Variants in EFR3A observed in about 807,000 individuals in gnomAD.
EFR3A encodes the protein EFR3 homolog A.
EFR3A carries 76 observed loss-of-function variants against 104.4 expected under a neutral mutation model. The observed-to-expected ratio is 0.73, with a 90% CI of 0.60 to 0.88. The LOEUF is 0.88. EFR3A is among the 40% of genes least tolerant of loss of function. EFR3A has a pLI of 0.00. For synonymous variants in EFR3A, 330 were observed against 330.0 expected (o/e 1.00, Z 0.00); for missense variants, 985 against 1,012.5 (o/e 0.97, Z 0.37).
intron 8 of EFR3A, among the ~76,000 whole-genome samples, chr8:131,964,199 A>G (rs1462860713): frequency 6.6e-6 from 1 of 151,352 alleles, no homozygotes; most frequent in Non-Finnish European, 1.5e-5. Flanking sequence ...CGTATTCAAC[A>G]TAGTGTTGGA....
intron 1 of EFR3A, among the ~76,000 whole-genome samples, chr8:131,933,022 GT>G (rs1405910251): frequency 1.3e-5 from 2 of 151,900 alleles, no homozygotes; most frequent in Non-Finnish European, 2.9e-5. Context: ...TAGTACCATG[GT>G]TTGCATTAAA....
chr8:131,987,054 G>A (rs1820923084), intron 17 of EFR3A, among the ~76,000 whole-genome samples: 1 of 151,986 alleles, frequency 6.6e-6, no homozygotes, highest in Non-Finnish European at 1.5e-5. Flanking sequence ...ATAATATTTT[G>A]TTTGAACTTT....
intron 22 of EFR3A, among the ~76,000 whole-genome samples, chr8:132,010,407 G>GATATATATATATATATATATATAT (rs66644698): frequency 9.8e-5 from 8 of 81,886 alleles, no homozygotes; most frequent in African/African-American, 2.9e-4. Context: ...TCAAGTATGA[G>GATATATATATATATATATATATAT]ATATATATAT....
At chr8:131,916,719 GT>G (rs1816759347) in intron 1 of EFR3A, among the ~76,000 whole-genome samples, 1 of 152,174 alleles carries the variant, frequency 6.6e-6, no homozygotes, top group Non-Finnish European at 1.5e-5. Context: ...CAGGATGAGA[GT>G]TATGCAAGAC....
rs543675791 is a variant in EFR3A, at chr8:131,970,796, A to C, written c.1159+153A>C. ...TTTTCGAAAACAAGCAAGCATGAGA[A>C]TGGAACAAAGAACACTATGTTGTTC... On this transcript the variant is annotated intron_variant, in intron 10 of 22. Transcript: ENST00000254624. Among the ~76,000 whole-genome samples the C allele has an allele frequency of 1.8e-3, 279 of 152,358 alleles. 2 individuals carry two copies. Among genetic ancestry groups the C allele is most frequent in the African/African-American group, 6.5e-3 (271 of 41,592 alleles).
intron 1 of EFR3A, among the ~76,000 whole-genome samples, chr8:131,933,861 G>C (rs776106889): frequency 1.3e-5 from 2 of 150,702 alleles, no homozygotes; most frequent in African/African-American, 2.4e-5. Context: ...CAAGAGTTTT[G>C]TCTGTGTTAT....
chr8:131,995,845 C>G (rs944423780), intron 18 of EFR3A, among the ~76,000 whole-genome samples: 1 of 152,092 alleles, frequency 6.6e-6, no homozygotes. Flanking sequence ...ATAACAACAG[C>G]TGATGGAGAT....
chr8:131,970,585 TA>T lies in EFR3A; in HGVS notation c.1102del (p.Thr368GlnfsTer19). The part of the protein sequence containing the change: ...GGSVGSVNLN[T>X]SSKDNDEKIV... Reference sequence around the variant, plus strand: ...GATCTGTAGGCAGTGTCAACTTAAATACAAGTTCCAAAGACAATGATGAGAA... The same window carrying T: ...GATCTGTAGGCAGTGTCAACTTAAATCAAGTTCCAAAGACAATGATGAGAA... On this transcript the variant is annotated frameshift_variant, in exon 10 of 23. Transcript: ENST00000254624. LOFTEE classifies it high-confidence loss of function. The T allele has an allele frequency of 6.2e-7, 1 of 1,613,882 alleles. No homozygotes were observed. Among genetic ancestry groups the T allele is most frequent in the South Asian group, 1.1e-5 (1 of 91,068 alleles).
At chr8:131,966,986 T>TAC (rs1407770265) in intron 8 of EFR3A, among the ~76,000 whole-genome samples, 1 of 152,140 alleles carries the variant, frequency 6.6e-6, no homozygotes, top group Non-Finnish European at 1.5e-5. Flanking sequence ...TAGTCGTACT[T>TAC]TATAATTATT....
At position 131,944,601 on chromosome 8, in the gene EFR3A, A is replaced by G. The variant is rs555082517; in HGVS notation, c.88-144A>G. On this transcript the variant is annotated intron_variant, in intron 2 of 22. Coordinates refer to ENST00000254624, the MANE Select transcript of EFR3A (RefSeq NM_015137.6). The stretch of plus-strand genomic sequence containing the variant: ...TGTATCCATCATGGTGAATGTTAGC[A>G]CTAAGGAGGTTATGTGCAGAAGGGT... The G allele has an allele frequency of 7.6e-6, 6 of 786,946 alleles. No individual in the cohort carries two copies. The South Asian group carries it at 8.1e-5, about 11-fold the overall frequency. The allele number at this position is 786,946 out of a possible 1,614,324, so 48.7% of individuals were successfully genotyped here.
chr8:131,998,699 G>A (rs1303178918), intron 19 of EFR3A, among the ~76,000 whole-genome samples: 1 of 151,942 alleles, frequency 6.6e-6, no homozygotes, highest in Non-Finnish European at 1.5e-5. Flanking sequence ...GCCATAAAAT[G>A]TATTATTGAT....
chr8:131,921,859 C>T (rs1053628803), intron 1 of EFR3A, among the ~76,000 whole-genome samples: 3 of 152,134 alleles, frequency 2.0e-5, no homozygotes, highest in Non-Finnish European at 2.9e-5. Context: ...CAGAATGGTA[C>T]ATATCTACTA....
chr8:131,923,508 T>G (rs1817153744), intron 1 of EFR3A, among the ~76,000 whole-genome samples: 3 of 151,724 alleles, frequency 2.0e-5, no homozygotes, highest in Non-Finnish European at 2.9e-5. Context: ...GGGTGTTTTT[T>G]TTTTTTTTTT....
chr8:131,997,875 A>G lies in EFR3A; in HGVS notation c.2157+1378A>G, dbSNP rs183193726. Among the ~76,000 whole-genome samples the G allele has an allele frequency of 6.6e-3, 1,011 of 152,192 alleles. 4 individuals are homozygous for G. Among genetic ancestry groups the G allele is most frequent in the Middle Eastern group, 0.017 (5 of 294 alleles). The stretch of plus-strand genomic sequence containing the variant: ...TAGAGAACACTTGAAACTGTTGGAA[A>G]GAGTCAGTCTATTTTGATAAAATCA... On this transcript the variant is annotated intron_variant, in intron 19 of 22. Coordinates refer to ENST00000254624, the MANE Select transcript of EFR3A (RefSeq NM_015137.6).
intron 18 of EFR3A, 54 bp from the exon 19 acceptor site, chr8:131,996,351 GA>G: frequency 9.0e-7 from 1 of 1,116,546 alleles, no homozygotes. Context: ...GTTTATAAAT[GA>G]AAACCAACAT....
chr8:131,923,910 G>A (rs961945396), intron 1 of EFR3A, among the ~76,000 whole-genome samples: 2 of 152,024 alleles, frequency 1.3e-5, no homozygotes, highest in Non-Finnish European at 2.9e-5. Context: ...ATTGGCATTG[G>A]TAGATTTAGT....
chr8:131,913,222 C>A (rs80286391), intron 1 of EFR3A, among the ~76,000 whole-genome samples: 2 of 149,948 alleles, frequency 1.3e-5, no homozygotes, highest in Middle Eastern at 3.2e-3. Flanking sequence ...GGCAGTTCCT[C>A]CTATGATTAA....
Position 131,904,332 on chromosome 8 carries a change from C to T in EFR3A, c.10+10C>T, listed in dbSNP as rs1325393745. The T allele has an allele frequency of 2.4e-6, 3 of 1,251,164 alleles. No homozygotes were observed. Among genetic ancestry groups the T allele is most frequent in the Non-Finnish European group, 3.0e-6 (3 of 996,760 alleles). 77.5% of individuals were successfully genotyped at this position (1,251,164 alleles called of 1,614,324 possible). On this transcript the variant is annotated intron_variant, in intron 1 of 22. Coordinates refer to ENST00000254624, the MANE Select transcript of EFR3A (RefSeq NM_015137.6). Reference sequence around the variant, plus strand: ...ATCGCCATGCCTACCCGTGAGTGGCCGGCCGAGGGCCGGGGGCGTTGGGAG... The same window carrying T: ...ATCGCCATGCCTACCCGTGAGTGGCTGGCCGAGGGCCGGGGGCGTTGGGAG...
Position 131,959,291 on chromosome 8 carries a change from T to C in EFR3A, c.777-294T>C, listed in dbSNP as rs192625978. Among the ~76,000 whole-genome samples the C allele has an allele frequency of 9.5e-4, 144 of 152,294 alleles. 1 individual carries two copies. Among genetic ancestry groups the C allele is most frequent in the African/African-American group, 3.4e-3 (141 of 41,572 alleles). ...CTTTCATTCAGATTTACTTGTTAGT[T>C]AAAATTACCCTTTGAGAGAAGTAAA... On this transcript the variant is annotated intron_variant, in intron 7 of 22. Coordinates refer to ENST00000254624, the MANE Select transcript of EFR3A (RefSeq NM_015137.6).
Sources: gnomAD v4.1 joint callset for allele counts (sites outside exome capture counted in the v4.1 genomes callset) on GRCh38, gnomAD v4.1.1 for gene constraint, MANE v1.5 for transcripts, NCBI Gene and HGNC (gene_info 2026-07-23, HGNC 2026-07-21) for gene names.